The following FSTL4 variants were observed in gnomAD, a reference collection of about 807,000 sequenced individuals.
FSTL4 encodes the protein follistatin like 4.
In FSTL4, 28 loss-of-function variants were observed where a neutral mutation model predicts 78.2. That is an observed-to-expected ratio of 0.36 (90% confidence interval 0.27 to 0.49). The LOEUF (loss-of-function observed/expected upper bound fraction) is 0.49. Ranked by LOEUF, FSTL4 falls within the 20% of genes least tolerant of loss-of-function variation. The pLI, the probability that FSTL4 is intolerant of heterozygous loss-of-function variation, is 0.98. For missense variants in FSTL4, 922 were observed against 1,084.9 expected (o/e 0.85, Z 2.11); for synonymous variants, 422 against 440.5 (o/e 0.96, Z 0.53).
rs1466495655 is a variant in FSTL4, at chr5:133,539,595, C to T, written c.160+27591G>A. On this transcript the variant is annotated intron_variant, in intron 3 of 15. Coordinates refer to ENST00000265342, the MANE Select transcript of FSTL4 (RefSeq NM_015082.2). The stretch of plus-strand genomic sequence containing the variant: ...GATGCATAGCAGTTCTGCAATTTAG[C>T]CAGTACTTGTTTCTAGTCCCTTGAT... 4.6e-5 allele frequency among the ~76,000 whole-genome samples: 7 copies of T among 152,242 alleles called. 1 individual carries two copies. In the South Asian group the frequency reaches 1.5e-3, roughly 32 times the overall value.
the FSTL4 span, among the ~76,000 whole-genome samples, chr5:133,655,417 T>C: frequency 2.6e-5 from 4 of 152,200 alleles, no homozygotes; most frequent in East Asian, 1.9e-4. Flanking sequence ...CCCTGCCCCA[T>C]GCCTTCACAG....
At chr5:133,392,022 G>C (rs967616713) in intron 4 of FSTL4, among the ~76,000 whole-genome samples, 2 of 152,162 alleles carry the variant, frequency 1.3e-5, no homozygotes, top group Non-Finnish European at 1.5e-5. Context: ...GAATATTGCT[G>C]AACAACTGGA....
chr5:133,385,452 T>C (rs568393340), intron 4 of FSTL4, among the ~76,000 whole-genome samples: 1 of 152,298 alleles, frequency 6.6e-6, no homozygotes, highest in South Asian at 2.1e-4. Context: ...CTATCCCTGA[T>C]CACACCCACC....
At chr5:133,638,547 G>A in the FSTL4 span, among the ~76,000 whole-genome samples, 1 of 152,200 alleles carries the variant, frequency 6.6e-6, no homozygotes, top group Non-Finnish European at 1.5e-5. Flanking sequence ...TCCCTTCCCA[G>A]GTACCCAGTG....
chr5:133,199,058 G>T lies in FSTL4; in HGVS notation c.*37C>A, dbSNP rs753912649. 2.3e-6 allele frequency: 3 copies of T among 1,301,752 alleles called. No homozygotes were observed. Among genetic ancestry groups the T allele is most frequent in the Admixed American group, 4.6e-5 (2 of 43,438 alleles). 80.6% of individuals were successfully genotyped at this position (1,301,752 alleles called of 1,614,324 possible). ...CTTGAGGCTGCAGTGTCAGGACTAG[G>T]GGGTGTTCCTTGGCCCAGGGCTCTG... On this transcript the variant is annotated 3_prime_UTR_variant, in exon 16 of 16. Transcript: ENST00000265342. This position sits in a 1 kb window ranked among gnomAD's most constrained non-coding sequence, Gnocchi z 4.4.
chr5:133,514,929 CT>C, intron 3 of FSTL4, among the ~76,000 whole-genome samples: 1 of 152,230 alleles, frequency 6.6e-6, no homozygotes, highest in East Asian at 1.9e-4. Flanking sequence ...AAAAGTAATA[CT>C]TTGTATTCTT....
chr5:133,404,953 G>A (rs1201781115), intron 3 of FSTL4, among the ~76,000 whole-genome samples: 1 of 152,144 alleles, frequency 6.6e-6, no homozygotes, highest in African/African-American at 2.4e-5. Flanking sequence ...TGCCCCAAGT[G>A]GCAGTGAGGG....
intron 4 of FSTL4, among the ~76,000 whole-genome samples, chr5:133,345,235 T>C (rs982878467): frequency 6.6e-6 from 1 of 152,216 alleles, no homozygotes; most frequent in African/African-American, 2.4e-5. Flanking sequence ...TGAAGGCAAG[T>C]GTCTGTTCAT....
the FSTL4 span, among the ~76,000 whole-genome samples, chr5:133,625,953 CAT>C: frequency 4.0e-3 from 2 of 500 alleles, 1 homozygote; most frequent in Non-Finnish European, 9.3e-3. Context: ...ATATATATTC[CAT>C]ATATATATAT....
chr5:133,830,389 G>C, the FSTL4 span, among the ~76,000 whole-genome samples: 7 of 152,146 alleles, frequency 4.6e-5, no homozygotes, highest in Admixed American at 4.6e-4. Context: ...GCCCTGCCAG[G>C]GACAGGGTCT....
chr5:133,461,780 C>A (rs944048643), intron 3 of FSTL4, among the ~76,000 whole-genome samples: 4 of 152,168 alleles, frequency 2.6e-5, no homozygotes, highest in African/African-American at 9.6e-5. Context: ...GATCAGCCTG[C>A]GTAATAAGTC....
Position 133,233,125 on chromosome 5 carries a change from C to G in FSTL4, c.1015+292G>C, listed in dbSNP as rs151163592. ...TGTTGCCTAAGGGGCATGCTCCATG[C>G]TCCACACTGTCTGTGGCAGCCCCAG... On this transcript the variant is annotated intron_variant, in intron 8 of 15. Coordinates refer to ENST00000265342, the MANE Select transcript of FSTL4 (RefSeq NM_015082.2). 7.2e-3 allele frequency among the ~76,000 whole-genome samples: 1,101 copies of G among 152,376 alleles called. 8 individuals are homozygous for G. The highest frequency in any genetic ancestry group is 0.019 in the African/African-American group (782 of 41,592).
At chr5:133,482,270 CA>C (rs1393814331) in intron 3 of FSTL4, among the ~76,000 whole-genome samples, 1 of 152,216 alleles carries the variant, frequency 6.6e-6, no homozygotes, top group Non-Finnish European at 1.5e-5. Flanking sequence ...TATCCTGGGC[CA>C]AAGAGCCAGA....
At chr5:133,690,748 C>A in the FSTL4 span, among the ~76,000 whole-genome samples, 2 of 152,178 alleles carry the variant, frequency 1.3e-5, no homozygotes, top group East Asian at 1.9e-4. Flanking sequence ...TTTTGTAAAC[C>A]TTTGCCTATA....
the FSTL4 span, among the ~76,000 whole-genome samples, chr5:133,730,387 G>A: frequency 1.3e-5 from 2 of 152,184 alleles, no homozygotes; most frequent in East Asian, 1.9e-4. Flanking sequence ...ATGAATGAAA[G>A]TGAACTAGAC....
rs115586812 is a variant in FSTL4, at chr5:133,371,043, C to T, written c.409+29695G>A. ...GCCCTGGCTGCCTCCCTGGCCAGTA[C>T]CAGCCTGGTTCTCTGAATGCCTGGG... On this transcript the variant is annotated intron_variant, in intron 4 of 15. Coordinates refer to ENST00000265342, the MANE Select transcript of FSTL4 (RefSeq NM_015082.2). Among the ~76,000 whole-genome samples, 516 of 152,328 alleles carry T rather than the reference C, an allele frequency of 3.4e-3. 5 individuals carry two copies. Among genetic ancestry groups the T allele is most frequent in the African/African-American group, 0.012 (496 of 41,582 alleles).
At chr5:133,304,181 A>C (rs997445770) in intron 6 of FSTL4, among the ~76,000 whole-genome samples, 4 of 152,242 alleles carry the variant, frequency 2.6e-5, no homozygotes, top group African/African-American at 7.2e-5. Flanking sequence ...ATGGAGATTT[A>C]TGAGGACAAT....
the FSTL4 span, among the ~76,000 whole-genome samples, chr5:133,753,909 C>T: frequency 6.6e-6 from 1 of 152,050 alleles, no homozygotes; most frequent in Non-Finnish European, 1.5e-5. Flanking sequence ...CCAGTTATGC[C>T]CCTTAACTTC....
At chr5:133,701,144 T>C in the FSTL4 span, among the ~76,000 whole-genome samples, 1 of 152,070 alleles carries the variant, frequency 6.6e-6, no homozygotes, top group African/African-American at 2.4e-5. Flanking sequence ...GGCTCATGCA[T>C]GTAAACCCAG....
Sources: gnomAD v4.1 joint callset for allele counts (sites outside exome capture counted in the v4.1 genomes callset) on GRCh38, gnomAD v4.1.1 for gene constraint, Gnocchi (gnomAD v3.1) non-coding constraint, MANE v1.5 for transcripts, NCBI Gene and HGNC (gene_info 2026-07-23, HGNC 2026-07-21) for gene names.